The following EXOC6B variants were observed in gnomAD, a reference collection of about 807,000 sequenced individuals.
EXOC6B encodes the protein exocyst complex component 6B, also known as SEC15 homolog B.
EXOC6B carries 54 observed loss-of-function variants against 113.5 expected under a neutral mutation model. The observed-to-expected ratio is 0.48, with a 90% CI of 0.38 to 0.60. The LOEUF (loss-of-function observed/expected upper bound fraction) is 0.60. Among genes scored for constraint, EXOC6B ranks in the 20% least tolerant of loss-of-function variants. The pLI is 0.00. For missense variants in EXOC6B, 797 were observed against 977.5 expected, an observed-to-expected ratio of 0.82 and a Z score of 2.46; for synonymous variants, 357 against 339.0, an observed-to-expected ratio of 1.05 and a Z score of -0.58.
intron 20 of EXOC6B, among the ~76,000 whole-genome samples, chr2:72,238,443 G>T (rs1481809970): frequency 6.6e-6 from 1 of 152,226 alleles, no homozygotes; most frequent in East Asian, 1.9e-4. Context: ...TGGGTTATAT[G>T]GTTAACTCCC....
Position 72,383,505 on chromosome 2 carries a change from C to T in EXOC6B, c.1981-3635G>A, listed in dbSNP as rs184056883. 2.3e-3 allele frequency among the ~76,000 whole-genome samples: 350 copies of T among 151,984 alleles called. 2 individuals carry two copies. Among genetic ancestry groups the T allele is most frequent in the African/African-American group, 7.7e-3 (318 of 41,460 alleles). ...AAAAAAAAAATTAAAAAAACAGACA[C>T]TGGCAAGGTTGCAGAGAAAAGAGAA... On this transcript the variant is annotated intron_variant, in intron 18 of 21. Transcript: ENST00000272427.
chr2:72,619,746 G>A (rs1558851057), intron 6 of EXOC6B, among the ~76,000 whole-genome samples: 1 of 152,178 alleles, frequency 6.6e-6, no homozygotes, highest in Non-Finnish European at 1.5e-5. Flanking sequence ...AGGGAACTGA[G>A]GGACAGCTCA....
At chr2:72,183,705 G>A (rs1678237115) in intron 21 of EXOC6B, among the ~76,000 whole-genome samples, 1 of 152,074 alleles carries the variant, frequency 6.6e-6, no homozygotes, top group African/African-American at 2.4e-5. Context: ...TCATACCCCA[G>A]GTGACTAGGG....
intron 20 of EXOC6B, among the ~76,000 whole-genome samples, chr2:72,294,232 T>C (rs1441683302): frequency 2.6e-5 from 4 of 151,862 alleles, no homozygotes; most frequent in Non-Finnish European, 5.9e-5. Flanking sequence ...AAAGAAAAGA[T>C]GGTTTGTATG....
At chr2:72,334,450 A>G (rs187439929) in intron 20 of EXOC6B, among the ~76,000 whole-genome samples, 1 of 152,256 alleles carries the variant, frequency 6.6e-6, no homozygotes, top group African/African-American at 2.4e-5. Context: ...ACAACATTCT[A>G]CAAAGGAGGA....
chr2:72,516,934 C>T (rs1301913774), intron 8 of EXOC6B, among the ~76,000 whole-genome samples: 6 of 152,150 alleles, frequency 3.9e-5, no homozygotes, highest in Admixed American at 1.3e-4. Flanking sequence ...ATAAATGCCA[C>T]GCAATACCTA....
At chr2:72,644,327 T>A (rs1431524429) in intron 6 of EXOC6B, among the ~76,000 whole-genome samples, 1 of 152,162 alleles carries the variant, frequency 6.6e-6, no homozygotes, top group East Asian at 1.9e-4. Context: ...TTGATTGGTG[T>A]ACCTGAAAAT....
intron 6 of EXOC6B, among the ~76,000 whole-genome samples, chr2:72,617,978 A>C (rs532876119): frequency 6.6e-6 from 1 of 152,268 alleles, no homozygotes; most frequent in South Asian, 2.1e-4. Flanking sequence ...TCAGTAAGAC[A>C]TCTTAGTTGT....
intron 19 of EXOC6B, among the ~76,000 whole-genome samples, chr2:72,363,738 G>A (rs909878504): frequency 6.6e-6 from 1 of 151,846 alleles, no homozygotes; most frequent in Non-Finnish European, 1.5e-5. Context: ...TCTTTATATT[G>A]TTCAGTACTA....
chr2:72,648,844 A>G (rs1218973100), intron 6 of EXOC6B, among the ~76,000 whole-genome samples: 1 of 152,230 alleles, frequency 6.6e-6, no homozygotes, highest in African/African-American at 2.4e-5. Flanking sequence ...TGTGGGAGCT[A>G]AAAATTAAAA....
intron 20 of EXOC6B, among the ~76,000 whole-genome samples, chr2:72,210,907 G>A (rs1680146838): frequency 6.6e-6 from 1 of 152,142 alleles, no homozygotes; most frequent in African/African-American, 2.4e-5. Flanking sequence ...AACAACCCTT[G>A]TTTACAAAGG....
intron 18 of EXOC6B, among the ~76,000 whole-genome samples, chr2:72,399,033 A>G (rs376030193): frequency 6.6e-6 from 1 of 151,728 alleles, no homozygotes; most frequent in African/African-American, 2.4e-5. Context: ...GAAAAAAATT[A>G]TAAGCCAATA....
At chr2:72,368,557 A>T (rs1232207270) in intron 19 of EXOC6B, among the ~76,000 whole-genome samples, 1 of 152,174 alleles carries the variant, frequency 6.6e-6, no homozygotes, top group Non-Finnish European at 1.5e-5. Flanking sequence ...CAGAGACACA[A>T]CAAAAAAAGA....
At chr2:72,715,392 T>C (rs1379438853) in intron 6 of EXOC6B, among the ~76,000 whole-genome samples, 1 of 150,142 alleles carries the variant, frequency 6.7e-6, no homozygotes, top group Non-Finnish European at 1.5e-5. Flanking sequence ...GGAATGTATA[T>C]TTCCCAGCAT....
intron 20 of EXOC6B, among the ~76,000 whole-genome samples, chr2:72,236,935 T>C (rs1681993306): frequency 6.6e-6 from 1 of 152,164 alleles, no homozygotes; most frequent in Admixed American, 6.6e-5. Flanking sequence ...GTAGTAGTCC[T>C]GTTTTTCTCT....
At chr2:72,269,515 C>G (rs1302178505) in intron 20 of EXOC6B, among the ~76,000 whole-genome samples, 3 of 152,104 alleles carry the variant, frequency 2.0e-5, no homozygotes, top group African/African-American at 7.2e-5. Flanking sequence ...AACAAGATAA[C>G]AATTAAGATT....
intron 8 of EXOC6B, among the ~76,000 whole-genome samples, chr2:72,552,941 A>T (rs1027755217): frequency 7.2e-5 from 11 of 152,030 alleles, no homozygotes; most frequent in African/African-American, 2.4e-4. Flanking sequence ...TCTCTTTAAG[A>T]TTAGAAATCA....
intron 20 of EXOC6B, among the ~76,000 whole-genome samples, chr2:72,202,645 C>G (rs906225090): frequency 6.9e-6 from 1 of 145,938 alleles, no homozygotes; most frequent in Non-Finnish European, 1.5e-5. Flanking sequence ...GAGAAAAAAA[C>G]CTATTTTTTT....
At chr2:72,657,225 CTT>C (rs70963135) in intron 6 of EXOC6B, among the ~76,000 whole-genome samples, 7 of 120,060 alleles carry the variant, frequency 5.8e-5, no homozygotes, top group Middle Eastern at 5.4e-3. Context: ...CCACAACTGT[CTT>C]TTTTTTTTTT....
Sources: allele counts gnomAD v4.1 joint callset (sites outside exome capture counted in the v4.1 genomes callset), GRCh38; gene constraint gnomAD v4.1.1; transcripts MANE v1.5; gene names NCBI Gene and HGNC (gene_info 2026-07-23, HGNC 2026-07-21).